Variants in FAM120B observed in about 807,000 individuals in gnomAD.
The protein encoded by FAM120B is constitutive coactivator of peroxisome proliferator-activated receptor gamma.
A neutral mutation model predicts 96.3 loss-of-function variants in FAM120B; 83 were observed. The ratio of observed to expected loss-of-function variants is 0.86; its 90% CI spans 0.72 to 1.03. The LOEUF (loss-of-function observed/expected upper bound fraction) is 1.03, where lower values mean the gene tolerates loss of function less well. Among genes scored for constraint, FAM120B ranks in the 50% least tolerant of loss-of-function variants. The pLI, the probability that FAM120B is intolerant of heterozygous loss-of-function variation, is 0.00. For synonymous variants in FAM120B, 407 were observed against 402.7 expected (o/e 1.01, Z -0.13); for missense variants, 1,027 against 1,121.2 (o/e 0.92, Z 1.20).
chr6:170,393,283 G>A (rs1204890323), intron 8 of FAM120B, among the ~76,000 whole-genome samples: 2 of 152,174 alleles, frequency 1.3e-5, no homozygotes, highest in African/African-American at 4.8e-5. Context: ...CTGCTTAGGT[G>A]GCAGTAGGCG....
rs887537269 is a variant in FAM120B at position 170,406,468 on chromosome 6, T to G, written c.*1717T>G. On this transcript the variant is annotated 3_prime_UTR_variant, in exon 11 of 11. Transcript: ENST00000476287. ...GCCAAAGGCACAGAGCTCCAAGGCA[T>G]CATCTTTCCTTAAAATCCTGAGTGT... The G allele has an allele frequency of 7.9e-5, 12 of 152,228 alleles. No individual in the cohort carries two copies. Among genetic ancestry groups the G allele is most frequent in the African/African-American group, 2.9e-4 (12 of 41,468 alleles). 9.4% of individuals were successfully genotyped at this position (152,228 alleles called of 1,614,324 possible).
chr6:170,302,573 C>T (rs894563891), upstream of FAM120B, among the ~76,000 whole-genome samples: 3 of 152,208 alleles, frequency 2.0e-5, no homozygotes, highest in Non-Finnish European at 4.4e-5. Context: ...GAAACCTGTC[C>T]CAGATGCCCC....
chr6:170,380,913 A>G lies in FAM120B; in HGVS notation c.2284-7374A>G, dbSNP rs568580032. 2.6e-5 allele frequency among the ~76,000 whole-genome samples: 4 copies of G among 152,328 alleles called. No homozygotes were observed. In the East Asian group the frequency reaches 5.8e-4, roughly 22 times the overall value. On this transcript the variant is annotated intron_variant, in intron 6 of 10. Coordinates refer to ENST00000476287, the MANE Select transcript of FAM120B (RefSeq NM_032448.3). ...CTGAGCCTTGGGGGGTCACACTCCAAAATTGAGCTATAGAGAGAAACAATT... is the reference window on the plus strand; with the variant it reads ...CTGAGCCTTGGGGGGTCACACTCCAGAATTGAGCTATAGAGAGAAACAATT...
Position 170,391,155 on chromosome 6 carries a change from C to T in FAM120B, c.2599+34C>T, listed in dbSNP as rs560324192. On this transcript the variant is annotated intron_variant, in intron 8 of 10. Coordinates refer to ENST00000476287, the MANE Select transcript of FAM120B (RefSeq NM_032448.3). Reference sequence around the variant, plus strand: ...GGGCCAGGTGCCTCTAGAAGCCCCACAAGCGTAGACCCTAACTGCTTCCTG... The same window carrying T: ...GGGCCAGGTGCCTCTAGAAGCCCCATAAGCGTAGACCCTAACTGCTTCCTG... 5 of 1,406,224 alleles carry T rather than the reference C, an allele frequency of 3.6e-6. No homozygotes were observed. In the South Asian group the frequency reaches 4.7e-5, roughly 13 times the overall value. 87.1% of individuals were successfully genotyped at this position (1,406,224 alleles called of 1,614,324 possible).
intron 8 of FAM120B, among the ~76,000 whole-genome samples, chr6:170,392,817 A>G (rs1790544063): frequency 6.6e-6 from 1 of 152,234 alleles, no homozygotes; most frequent in African/African-American, 2.4e-5. Context: ...GAGAGCAGCC[A>G]GGGTGTGTGG....
chr6:170,306,850 C>T lies in FAM120B; in HGVS notation c.-22+8C>T, dbSNP rs1232938028. The T allele has an allele frequency of 6.6e-6, 1 of 152,290 alleles. No individual in the cohort carries two copies. The highest frequency in any genetic ancestry group is 1.5e-5 in the Non-Finnish European group (1 of 68,112). The allele number at this position is 152,290 out of a possible 1,614,324, so 9.4% of individuals were successfully genotyped here. A position where few individuals can be genotyped will look rare whatever the true frequency, so the allele number is the denominator to read the frequency against. ...GTGTTGGCGCATCTCTAGGTAGGGCCGGGCCCGAGGGCACCCGCGGGTCTT... is the reference window on the plus strand; with the variant it reads ...GTGTTGGCGCATCTCTAGGTAGGGCTGGGCCCGAGGGCACCCGCGGGTCTT... On this transcript the variant is annotated splice_region_variant and intron_variant, in intron 1 of 10. Transcript: ENST00000476287.
chr6:170,381,403 C>G (rs1314116584), intron 6 of FAM120B, among the ~76,000 whole-genome samples: 1 of 152,144 alleles, frequency 6.6e-6, no homozygotes, highest in Non-Finnish European at 1.5e-5. Context: ...GCAAACTCCC[C>G]TCAAAAGAGG....
upstream of FAM120B, among the ~76,000 whole-genome samples, chr6:170,305,121 A>T (rs987867065): frequency 1.3e-5 from 2 of 151,284 alleles, no homozygotes; most frequent in Admixed American, 6.6e-5. Context: ...CAAAGGCCCC[A>T]CCTCCAAAGA....
At chr6:170,396,252 C>T (rs1778156250) in intron 9 of FAM120B, among the ~76,000 whole-genome samples, 1 of 152,158 alleles carries the variant, frequency 6.6e-6, no homozygotes, top group Non-Finnish European at 1.5e-5. Flanking sequence ...TCGCAAGCTG[C>T]TCAAATTATT....
At chr6:170,328,070 T>A (rs1253693592) in intron 3 of FAM120B, among the ~76,000 whole-genome samples, 4 of 149,158 alleles carry the variant, frequency 2.7e-5, no homozygotes, top group Non-Finnish European at 4.5e-5. Context: ...TAACCTTAAC[T>A]TACTGTAACT....
At chr6:170,338,755 A>G (rs981277114) in intron 4 of FAM120B, among the ~76,000 whole-genome samples, 1 of 149,070 alleles carries the variant, frequency 6.7e-6, no homozygotes, top group Non-Finnish European at 1.5e-5. Flanking sequence ...TGTTGCATTG[A>G]TCCCTTTACC....
chr6:170,317,020 C>T (rs1784943064), intron 1 of FAM120B, among the ~76,000 whole-genome samples: 1 of 152,190 alleles, frequency 6.6e-6, no homozygotes, highest in Non-Finnish European at 1.5e-5. Flanking sequence ...TTAACAATAA[C>T]TTCTGTTTGA....
intron 4 of FAM120B, among the ~76,000 whole-genome samples, chr6:170,341,436 T>G (rs1489980022): frequency 6.6e-6 from 1 of 152,136 alleles, no homozygotes; most frequent in Admixed American, 6.5e-5. Flanking sequence ...CTGGGCTCCA[T>G]GAGAATGGGA....
At chr6:170,355,028 A>G (rs1787811671) in intron 5 of FAM120B, among the ~76,000 whole-genome samples, 1 of 152,224 alleles carries the variant, frequency 6.6e-6, no homozygotes, top group South Asian at 2.1e-4. Flanking sequence ...ACCATGAGAT[A>G]CTATCTCATG....
intron 6 of FAM120B, among the ~76,000 whole-genome samples, chr6:170,367,480 G>A (rs1788872869): frequency 6.6e-6 from 1 of 152,232 alleles, no homozygotes; most frequent in Non-Finnish European, 1.5e-5. Context: ...AGAGTTGAAC[G>A]GCTGCGAGAG....
intron 1 of FAM120B, among the ~76,000 whole-genome samples, chr6:170,315,687 A>G (rs1460167200): frequency 6.6e-6 from 1 of 152,106 alleles, no homozygotes; most frequent in Non-Finnish European, 1.5e-5. Context: ...TGTTCACCCA[A>G]TTTTTGCATA....
At chr6:170,353,281 C>T (rs992994503) in intron 5 of FAM120B, among the ~76,000 whole-genome samples, 7 of 151,908 alleles carry the variant, frequency 4.6e-5, no homozygotes, top group Non-Finnish European at 8.8e-5. Context: ...AAAAAAAAAT[C>T]CAGAACCAGA....
chr6:170,303,230 T>A (rs1181479779), upstream of FAM120B, among the ~76,000 whole-genome samples: 2 of 152,296 alleles, frequency 1.3e-5, no homozygotes, highest in African/African-American at 4.8e-5. Flanking sequence ...GAGAATTTAC[T>A]CTACTTTCTT....
intron 4 of FAM120B, among the ~76,000 whole-genome samples, chr6:170,347,125 TAAG>T (rs1196188392): frequency 6.6e-6 from 1 of 152,176 alleles, no homozygotes; most frequent in Non-Finnish European, 1.5e-5. Context: ...GTGGGAAACA[TAAG>T]AAAAGAAAGA....
Sources: gnomAD v4.1 joint callset for allele counts (sites outside exome capture counted in the v4.1 genomes callset) on GRCh38, gnomAD v4.1.1 for gene constraint, MANE v1.5 for transcripts, NCBI Gene and HGNC (gene_info 2026-07-23, HGNC 2026-07-21) for gene names.